MAP3K13: variants seen among roughly 807,000 people sequenced by gnomAD.
The protein encoded by MAP3K13 is mitogen-activated protein kinase kinase kinase 13.
MAP3K13 carries 52 observed loss-of-function variants against 104.0 expected under a neutral mutation model. The ratio of observed to expected loss-of-function variants is 0.50; its 90% CI spans 0.40 to 0.63. MAP3K13 has a LOEUF of 0.63. Ranked by LOEUF, MAP3K13 falls within the 20% of genes least tolerant of loss-of-function variation. The probability of loss-of-function intolerance (pLI) is 0.00; values close to 1 mark genes in which losing one functional copy is unlikely to be tolerated. For synonymous variants in MAP3K13, 394 were observed against 442.2 expected (o/e 0.89, Z 1.37); for missense variants, 914 against 1,218.5 (o/e 0.75, Z 3.72).
intron 2 of MAP3K13, among the ~76,000 whole-genome samples, chr3:185,294,554 C>T (rs1720854124): frequency 6.6e-6 from 1 of 152,196 alleles, no homozygotes; most frequent in African/African-American, 2.4e-5. Context: ...CCTCATTCTT[C>T]CTGAACAGCC....
At position 185,447,779 on chromosome 3, in the gene MAP3K13, C is replaced by A; in HGVS notation, c.852-10C>A. The A allele has an allele frequency of 1.9e-6, 3 of 1,584,516 alleles. No individual in the cohort carries two copies. Among genetic ancestry groups the A allele is most frequent in the Non-Finnish European group, 2.6e-6 (3 of 1,168,136 alleles). ...TGATCCAGATGTTTTCTTTTTATTTCTTTTTAAAGTGTTTTAGTGACCCAC... is the reference window on the plus strand; with the variant it reads ...TGATCCAGATGTTTTCTTTTTATTTATTTTTAAAGTGTTTTAGTGACCCAC... On this transcript the variant is annotated splice_polypyrimidine_tract_variant and intron_variant, in intron 4 of 13. Coordinates refer to ENST00000265026, the MANE Select transcript of MAP3K13 (RefSeq NM_004721.5).
intron 1 of MAP3K13, among the ~76,000 whole-genome samples, chr3:185,375,755 C>T (rs1259102141): frequency 6.6e-6 from 1 of 152,080 alleles, no homozygotes; most frequent in Non-Finnish European, 1.5e-5. Context: ...GTGAATGACT[C>T]CATCTTTCTT....
rs1239607862 is a variant in MAP3K13 at position 185,484,700 on chromosome 3, G to A, written c.*2244G>A. ...ATTTATACAAAGAGCAGTATTGTTT[G>A]CATTAATTTATTCCATTTTGTAAAA... On this transcript the variant is annotated 3_prime_UTR_variant, in exon 14 of 14. Coordinates refer to ENST00000265026, the MANE Select transcript of MAP3K13 (RefSeq NM_004721.5). The A allele has an allele frequency of 6.6e-6, 1 of 152,182 alleles. No individual in the cohort carries two copies. The highest frequency in any genetic ancestry group is 2.4e-5 in the African/African-American group (1 of 41,444). The allele number at this position is 152,182 out of a possible 1,614,324, so 9.4% of individuals were successfully genotyped here.
At position 185,428,885 on chromosome 3, in the gene MAP3K13, A is replaced by G; in HGVS notation, c.304A>G (p.Ser102Gly). 6.2e-7 allele frequency: 1 copy of G among 1,614,224 alleles called. No homozygotes were observed. The highest frequency in any genetic ancestry group is 1.1e-5 in the South Asian group (1 of 91,084). ...AGAGACGGCGGTGTCTCAGGGGAACAGCAACACGGTGGACGGAGAGAGCAC... is the reference window on the plus strand; with the variant it reads ...AGAGACGGCGGTGTCTCAGGGGAACGGCAACACGGTGGACGGAGAGAGCAC... ...ESETAVSQGN[S>G]NTVDGESTSG... Residue 102 changes from serine to glycine, a missense_variant, in exon 2 of 14, where the codon AGC (serine) becomes GGC (glycine). Coordinates refer to ENST00000265026, the MANE Select transcript of MAP3K13 (RefSeq NM_004721.5).
At chr3:185,301,512 A>G (rs1000107013) in intron 2 of MAP3K13, among the ~76,000 whole-genome samples, 2 of 152,162 alleles carry the variant, frequency 1.3e-5, no homozygotes, top group Non-Finnish European at 2.9e-5. Context: ...TTTCATGTCA[A>G]TATCCAAATA....
chr3:185,399,055 C>T (rs767107255), intron 1 of MAP3K13, among the ~76,000 whole-genome samples: 4 of 152,080 alleles, frequency 2.6e-5, no homozygotes, highest in Non-Finnish European at 5.9e-5. Flanking sequence ...TGTTCACCAT[C>T]GCATCCTTTA....
chr3:185,398,636 T>G lies in MAP3K13; in HGVS notation c.-85-29861T>G, dbSNP rs184082375. Among the ~76,000 whole-genome samples the G allele has an allele frequency of 1.5e-3, 227 of 150,918 alleles. 2 individuals are homozygous for G. Among genetic ancestry groups the G allele is most frequent in the Non-Finnish European group, 2.1e-3 (140 of 68,032 alleles). On this transcript the variant is annotated intron_variant, in intron 1 of 13. Transcript: ENST00000265026. The stretch of plus-strand genomic sequence containing the variant: ...ACCAAAAGATAAGGAAGATGTTATC[T>G]TTACACCATTACAGCCCCATATGGC...
At chr3:185,454,762 T>TAC (rs1346602407) in intron 7 of MAP3K13, among the ~76,000 whole-genome samples, 8 of 98,460 alleles carry the variant, frequency 8.1e-5, no homozygotes, top group South Asian at 6.4e-4. Context: ...ATGAGATATA[T>TAC]ATGACATATA....
At chr3:185,395,515 C>A (rs1386091646) in intron 1 of MAP3K13, among the ~76,000 whole-genome samples, 2 of 125,498 alleles carry the variant, frequency 1.6e-5, no homozygotes, top group Admixed American at 8.4e-5. Flanking sequence ...CCCGCCACCA[C>A]GCCCGGCTAA....
intron 7 of MAP3K13, among the ~76,000 whole-genome samples, chr3:185,454,909 T>G (rs796483592): frequency 1.5e-4 from 14 of 95,160 alleles, no homozygotes; most frequent in African/African-American, 4.0e-4. Context: ...ATATATATGA[T>G]ATATATATGA....
intron 2 of MAP3K13, among the ~76,000 whole-genome samples, chr3:185,344,200 T>G (rs773005983): frequency 2.6e-5 from 4 of 152,182 alleles, no homozygotes; most frequent in Admixed American, 2.6e-4. Flanking sequence ...GGAAGAGGCA[T>G]AGAGGCACAT....
At chr3:185,399,891 G>A (rs1712690258) in intron 1 of MAP3K13, among the ~76,000 whole-genome samples, 1 of 151,822 alleles carries the variant, frequency 6.6e-6, no homozygotes, top group South Asian at 2.1e-4. Flanking sequence ...CTCAATTAGT[G>A]GTAGCATTGA....
chr3:185,394,261 A>G (rs927405831), intron 1 of MAP3K13, among the ~76,000 whole-genome samples: 1 of 152,214 alleles, frequency 6.6e-6, no homozygotes, highest in African/African-American at 2.4e-5. Flanking sequence ...CACAGGTGTC[A>G]GTGACTTCTC....
intron 2 of MAP3K13, among the ~76,000 whole-genome samples, chr3:185,339,245 G>A (rs971014446): frequency 1.3e-5 from 2 of 152,160 alleles, no homozygotes; most frequent in African/African-American, 4.8e-5. Context: ...CTTGAACCAG[G>A]GAGGCGGAGG....
At chr3:185,432,095 T>C (rs370437476) in intron 2 of MAP3K13, among the ~76,000 whole-genome samples, 2 of 152,036 alleles carry the variant, frequency 1.3e-5, no homozygotes, top group East Asian at 1.9e-4. Flanking sequence ...ATGTTTTACA[T>C]TGGAAATAAA....
At chr3:185,397,450 T>C (rs73887884) in intron 1 of MAP3K13, among the ~76,000 whole-genome samples, 6,146 of 152,286 alleles carry the variant, frequency 0.04, 219 homozygotes, top group East Asian at 0.19. Context: ...AACTACAAAA[T>C]TGTTGAATTC....
chr3:185,445,570 G>C (rs966870648), intron 4 of MAP3K13, among the ~76,000 whole-genome samples: 5 of 152,152 alleles, frequency 3.3e-5, no homozygotes, highest in African/African-American at 1.2e-4. Flanking sequence ...AATCTTAGAG[G>C]GAAGGAGTCA....
At chr3:185,361,554 T>C (rs368241298), upstream of MAP3K13, among the ~76,000 whole-genome samples, 89 of 152,062 alleles carry the variant, frequency 5.9e-4, no homozygotes, top group East Asian at 0.01. Context: ...GCGCCCACCA[T>C]CACGCCCGGC....
At chr3:185,339,789 A>G (rs1722649767) in intron 2 of MAP3K13, among the ~76,000 whole-genome samples, 1 of 152,220 alleles carries the variant, frequency 6.6e-6, no homozygotes, top group African/African-American at 2.4e-5. Context: ...TAGTTTGTCT[A>G]CCTCTGCTTT....
Sources: gnomAD v4.1 joint callset for allele counts (sites outside exome capture counted in the v4.1 genomes callset) on GRCh38, gnomAD v4.1.1 for gene constraint, MANE v1.5 for transcripts, NCBI Gene and HGNC (gene_info 2026-07-23, HGNC 2026-07-21) for gene names.